SOX5: variants seen among roughly 807,000 people sequenced by gnomAD.
SOX5 encodes transcription factor SOX-5.
Under a neutral mutation model 92.0 loss-of-function variants are expected in SOX5, and 9 were observed. The observed-to-expected ratio is 0.10, with a 90% CI of 0.06 to 0.17. The LOEUF (loss-of-function observed/expected upper bound fraction) is 0.17. SOX5 is among the 10% of genes least tolerant of loss of function. The probability of loss-of-function intolerance (pLI) is 1.00; values close to 1 mark genes in which losing one functional copy is unlikely to be tolerated. For synonymous variants in SOX5, 344 were observed against 336.3 expected, an observed-to-expected ratio of 1.02 and a Z score of -0.25; for missense variants, 642 against 944.5, an observed-to-expected ratio of 0.68 and a Z score of 4.20.
At chr12:24,148,493 AAAAAAAAAAAAG>A (rs1471030394) in intron 4 of SOX5, among the ~76,000 whole-genome samples, 6 of 141,676 alleles carry the variant, frequency 4.2e-5, no homozygotes, top group African/African-American at 1.0e-4. Flanking sequence ...AAAAAAAAAA[AAAAAAAAAAAAG>A]AGAGAGAGAG....
At chr12:23,824,163 C>T (rs773038227) in intron 3 of SOX5, among the ~76,000 whole-genome samples, 23 of 152,118 alleles carry the variant, frequency 1.5e-4, no homozygotes, top group Non-Finnish European at 2.6e-4. Context: ...CCCTTGCTGG[C>T]GAGGAGTTGT....
chr12:23,949,058 A>G (rs1394548509), intron 1 of SOX5, among the ~76,000 whole-genome samples: 1 of 151,994 alleles, frequency 6.6e-6, no homozygotes, highest in Non-Finnish European at 1.5e-5. Context: ...TTATATCAAC[A>G]AAAGGTCATG....
chr12:24,443,550 G>T (rs920328068), intron 1 of SOX5, among the ~76,000 whole-genome samples: 1 of 152,106 alleles, frequency 6.6e-6, no homozygotes, highest in Non-Finnish European at 1.5e-5. Context: ...AAAAAAAAGG[G>T]GCATGCATTG....
At chr12:24,159,797 C>T (rs1432109672) in intron 4 of SOX5, among the ~76,000 whole-genome samples, 3 of 151,938 alleles carry the variant, frequency 2.0e-5, no homozygotes, top group Non-Finnish European at 2.9e-5. Flanking sequence ...TATGCAGAAA[C>T]ATGATGCTGA....
intron 3 of SOX5, among the ~76,000 whole-genome samples, chr12:24,217,297 C>G (rs755484234): frequency 3.9e-5 from 6 of 152,128 alleles, no homozygotes; most frequent in Non-Finnish European, 5.9e-5. Context: ...GGACCTTGTC[C>G]TTGAATCTGT....
At chr12:23,898,257 G>T (rs2097196946) in intron 1 of SOX5, among the ~76,000 whole-genome samples, 1 of 152,150 alleles carries the variant, frequency 6.6e-6, no homozygotes, top group East Asian at 1.9e-4. Flanking sequence ...ACTATAAGGA[G>T]ATTATCCCTT....
intron 9 of SOX5, among the ~76,000 whole-genome samples, chr12:23,590,516 C>G (rs1951381725): frequency 1.3e-5 from 2 of 151,950 alleles, no homozygotes; most frequent in African/African-American, 4.8e-5. Context: ...CTTCTGGAAC[C>G]CTTTTCCTTA....
chr12:24,070,676 A>C (rs1036572800), intron 4 of SOX5, among the ~76,000 whole-genome samples: 1 of 152,222 alleles, frequency 6.6e-6, no homozygotes, highest in Non-Finnish European at 1.5e-5. Flanking sequence ...TTCAGTTATA[A>C]AAATGTAATA....
At chr12:24,228,435 T>C (rs2139897556) in intron 3 of SOX5, among the ~76,000 whole-genome samples, 1 of 152,374 alleles carries the variant, frequency 6.6e-6, no homozygotes, top group East Asian at 1.9e-4. Flanking sequence ...TTTGGCCTTA[T>C]TTTTGTGACA....
intron 1 of SOX5, among the ~76,000 whole-genome samples, chr12:23,899,071 T>C (rs977143913): frequency 3.4e-4 from 51 of 152,190 alleles, no homozygotes; most frequent in Non-Finnish European, 6.5e-4. Context: ...TTTTTGTCCA[T>C]CTATCAAAGT....
Position 24,038,142 on chromosome 12 carries a change from A to C in SOX5, c.-1-142118T>G, listed in dbSNP as rs150635374. Among the ~76,000 whole-genome samples, 1,150 of 152,290 alleles carry C rather than the reference A, an allele frequency of 7.6e-3. 3 individuals carry two copies. Among genetic ancestry groups the C allele is most frequent in the Non-Finnish European group, 0.012 (793 of 68,012 alleles). On this transcript the variant is annotated intron_variant, in intron 4 of 4. Coordinates refer to the SOX5 transcript ENST00000446891. The stretch of plus-strand genomic sequence containing the variant: ...AAAGCAAAATCCTACCAAAATTAAC[A>C]CAGGAAGATAGAGATAAAAGAGTCC...
chr12:24,120,143 T>G (rs1368519427), intron 4 of SOX5, among the ~76,000 whole-genome samples: 1 of 152,166 alleles, frequency 6.6e-6, no homozygotes. Flanking sequence ...GTATGTATCT[T>G]TCGGTGAGCA....
chr12:23,776,381 A>G (rs1265769990), intron 3 of SOX5, among the ~76,000 whole-genome samples: 1 of 152,238 alleles, frequency 6.6e-6, no homozygotes, highest in East Asian at 1.9e-4. Flanking sequence ...TCAAACTTTT[A>G]AAGAAGGATA....
intron 6 of SOX5, among the ~76,000 whole-genome samples, chr12:23,714,138 A>T (rs1478318426): frequency 1.3e-5 from 2 of 151,806 alleles, no homozygotes; most frequent in African/African-American, 4.8e-5. Flanking sequence ...CCTTGTTGGT[A>T]CATTTGCTCT....
At chr12:24,487,706 A>G (rs1197519301) in intron 1 of SOX5, among the ~76,000 whole-genome samples, 1 of 152,214 alleles carries the variant, frequency 6.6e-6, no homozygotes, top group South Asian at 2.1e-4. Flanking sequence ...ATTTCTCCCA[A>G]GAAAAGACAG....
intron 11 of SOX5, among the ~76,000 whole-genome samples, chr12:23,548,812 T>A (rs1462370173): frequency 1.3e-5 from 2 of 151,994 alleles, no homozygotes; most frequent in Non-Finnish European, 2.9e-5. Flanking sequence ...TTATATGTGG[T>A]TAGGTGTCTA....
At chr12:24,121,781 G>A (rs1948646134) in intron 4 of SOX5, among the ~76,000 whole-genome samples, 1 of 150,872 alleles carries the variant, frequency 6.6e-6, no homozygotes, top group Non-Finnish European at 1.5e-5. Flanking sequence ...AGATGTTTGG[G>A]AGGCTGAGGC....
intron 4 of SOX5, among the ~76,000 whole-genome samples, chr12:24,182,981 T>C (rs538940775): frequency 6.6e-6 from 1 of 152,322 alleles, no homozygotes; most frequent in African/African-American, 2.4e-5. Context: ...CCCAAAGTGC[T>C]GGGATTACAA....
chr12:23,656,631 A>G (rs1321035151), intron 7 of SOX5, among the ~76,000 whole-genome samples: 1 of 152,114 alleles, frequency 6.6e-6, no homozygotes, highest in Non-Finnish European at 1.5e-5. Context: ...GTAGTTTGTC[A>G]TCTATGTAGC....
Sources: allele counts gnomAD v4.1 joint callset (sites outside exome capture counted in the v4.1 genomes callset), GRCh38; gene constraint gnomAD v4.1.1; transcripts MANE v1.5; gene names NCBI Gene and HGNC (gene_info 2026-07-23, HGNC 2026-07-21).